The following YY2 variants were observed in gnomAD, a reference collection of about 807,000 sequenced individuals.
YY2 encodes transcription factor YY2.
For synonymous variants in YY2, 157 were observed against 131.2 expected, an observed-to-expected ratio of 1.20 and a Z score of -1.35; for missense variants, 254 against 305.3, an observed-to-expected ratio of 0.83 and a Z score of 1.25.
In YY2 at chrX:21,856,722, A is replaced by G; in HGVS notation, c.238A>G (p.Met80Val). The change falls in exon 1 of 1, where the codon ATG becomes GTG. Residue 80 changes from methionine (M) to valine (V), a missense_variant. By Grantham distance (21) the Met-to-Val change is conservative. Transcript: ENST00000429584. ...GYGDHDQEML[M>V]LQTQEEVVGY... ...TGGCGACCACGACCAGGAAATGCTT[A>G]TGTTGCAGACACAAGAGGAAGTGGT... The G allele has an allele frequency of 8.3e-7, 1 of 1,211,933 alleles. No homozygotes were observed. The highest frequency in any genetic ancestry group is 1.1e-6 in the Non-Finnish European group (1 of 895,589).
rs1432491219 is a variant in YY2 at position 21,857,221 on chromosome X, C to A, written c.737C>A (p.Ser246Tyr). 4 of 1,211,809 alleles carry A rather than the reference C, an allele frequency of 3.3e-6. No homozygotes were observed. The highest frequency in any genetic ancestry group is 4.5e-6 in the Non-Finnish European group (4 of 895,576). Reference protein sequence around the residue: ...AEFTKVKPKRSKGEPPKTVPC... With the variant: ...AEFTKVKPKRYKGEPPKTVPC... ...TTTACTAAAGTGAAGCCCAAAAGGTCCAAAGGAGAACCTCCCAAAACAGTC... is the reference window on the plus strand; with the variant it reads ...TTTACTAAAGTGAAGCCCAAAAGGTACAAAGGAGAACCTCCCAAAACAGTC... The change falls in exon 1 of 1, where the codon TCC becomes TAC. Residue 246 changes from serine (S) to tyrosine (Y), a missense_variant. Coordinates refer to ENST00000429584, the MANE Select transcript of YY2 (RefSeq NM_206923.4).
chrX:21,858,248 T>C lies in YY2; in HGVS notation c.*645T>C, dbSNP rs2092926357. ...TTGATATTAGGTGATTTAATAGTACTAGTTTAAACCTATTTTAGTCATTTT... is the reference window on the plus strand; with the variant it reads ...TTGATATTAGGTGATTTAATAGTACCAGTTTAAACCTATTTTAGTCATTTT... On this transcript the variant is annotated 3_prime_UTR_variant, in exon 1 of 1. Transcript: ENST00000429584. 1 of 124,031 alleles carries C rather than the reference T, an allele frequency of 8.1e-6. No homozygotes were observed. The highest frequency in any genetic ancestry group is 3.6e-4 in the South Asian group (1 of 2,767). The allele number at this position is 124,031 out of a possible 1,213,427, so 10.2% of individuals were successfully genotyped here.
rs894565953 is a variant in YY2, at chrX:21,856,283, G to C, written c.-202G>C. 1 of 281,387 alleles carries C rather than the reference G, an allele frequency of 3.6e-6. No individual in the cohort carries two copies. Among genetic ancestry groups the C allele is most frequent in the Admixed American group, 7.3e-5 (1 of 13,684 alleles). The allele number at this position is 281,387 out of a possible 1,213,427, so 23.2% of individuals were successfully genotyped here. A position where few individuals can be genotyped will look rare whatever the true frequency, so the allele number is the denominator to read the frequency against. ...CGGCTCGTGCTTTCCTCAGTCTCGCGCCTTTCTCTGCAGCTCGCGCCTTTC... is the reference window on the plus strand; with the variant it reads ...CGGCTCGTGCTTTCCTCAGTCTCGCCCCTTTCTCTGCAGCTCGCGCCTTTC... On this transcript the variant is annotated 5_prime_UTR_variant, in exon 1 of 1. Coordinates refer to ENST00000429584, the MANE Select transcript of YY2 (RefSeq NM_206923.4).
chrX:21,857,215 A>G lies in YY2; in HGVS notation c.731A>G (p.Lys244Arg). Residue 244 changes from lysine (K) to arginine (R), a missense_variant, in exon 1 of 1, where the codon AAA becomes AGA. By Grantham distance (26) the Lys-to-Arg change is conservative. Coordinates refer to ENST00000429584, the MANE Select transcript of YY2 (RefSeq NM_206923.4). ...QLAEFTKVKPKRSKGEPPKTV... is the reference protein window; with the variant it reads ...QLAEFTKVKPRRSKGEPPKTV... Reference sequence around the variant, plus strand: ...GCAGAATTTACTAAAGTGAAGCCCAAAAGGTCCAAAGGAGAACCTCCCAAA... The same window carrying G: ...GCAGAATTTACTAAAGTGAAGCCCAGAAGGTCCAAAGGAGAACCTCCCAAA... 5 of 1,211,892 alleles carry G rather than the reference A, an allele frequency of 4.1e-6. No individual in the cohort carries two copies. The highest frequency in any genetic ancestry group is 5.6e-6 in the Non-Finnish European group (5 of 895,599).
rs1438492938 is a variant in YY2, at chrX:21,856,824, G to C, written c.340G>C (p.Glu114Gln). 2 of 1,211,736 alleles carry C rather than the reference G, an allele frequency of 1.7e-6. No individual in the cohort carries two copies. The highest frequency in any genetic ancestry group is 2.2e-5 in the Admixed American group (1 of 46,042). Residue 114 changes from glutamate (E) to glutamine (Q), a missense_variant, in exon 1 of 1, where the codon GAG becomes CAG. Glu to Gln is a conservative substitution (Grantham distance 29). Coordinates refer to ENST00000429584, the MANE Select transcript of YY2 (RefSeq NM_206923.4). Reference sequence around the variant, plus strand: ...GGCCCTCCCGGATAGCATTGAAGACGAGCACTTCCAGATGACCCTGGCCTC... The same window carrying C: ...GGCCCTCCCGGATAGCATTGAAGACCAGCACTTCCAGATGACCCTGGCCTC... ...QLALPDSIED[E>Q]HFQMTLASLS...
rs1380882782 is a variant in YY2 at position 21,858,286 on chromosome X, A to G, written c.*683A>G. The G allele has an allele frequency of 1.6e-5, 2 of 123,314 alleles. No homozygotes were observed. Among genetic ancestry groups the G allele is most frequent in the Non-Finnish European group, 3.8e-5 (2 of 53,191 alleles). The allele number at this position is 123,314 out of a possible 1,213,427, so 10.2% of individuals were successfully genotyped here. ...TTTTAGTCATTTTATTTTCCCCAAA[A>G]TACTACCAGATGCTGTTGTTTAGTG... On this transcript the variant is annotated 3_prime_UTR_variant, in exon 1 of 1. Coordinates refer to ENST00000429584, the MANE Select transcript of YY2 (RefSeq NM_206923.4).
At position 21,857,671 on chromosome X, in the gene YY2, C is replaced by G. The variant is rs2147438793; in HGVS notation, c.*68C>G. On this transcript the variant is annotated 3_prime_UTR_variant, in exon 1 of 1. Coordinates refer to ENST00000429584, the MANE Select transcript of YY2 (RefSeq NM_206923.4). ...ACTGCGGTAGGGAATAAATATGCCTCTCAAAGCTTTGTATGTTGTTTCTAA... is the reference window on the plus strand; with the variant it reads ...ACTGCGGTAGGGAATAAATATGCCTGTCAAAGCTTTGTATGTTGTTTCTAA... The G allele has an allele frequency of 1.9e-6, 2 of 1,048,523 alleles. No individual in the cohort carries two copies. The highest frequency in any genetic ancestry group is 3.1e-5 in the East Asian group (1 of 32,433). 86.4% of individuals were successfully genotyped at this position (1,048,523 alleles called of 1,213,427 possible). A position where few individuals can be genotyped will look rare whatever the true frequency, so the allele number is the denominator to read the frequency against.
Position 21,856,518 on chromosome X carries a change from G to A in YY2, c.34G>A (p.Asp12Asn). The A allele has an allele frequency of 8.3e-7, 1 of 1,210,810 alleles. No individual in the cohort carries two copies. Among genetic ancestry groups the A allele is most frequent in the South Asian group, 1.8e-5 (1 of 56,846 alleles). ...CAACGAAGATTTCTCCATCACACAA[G>A]ACCTGGAGATCCCGGCAGATATTGT... Reference protein sequence around the residue: ...ASNEDFSITQDLEIPADIVEL... With the variant: ...ASNEDFSITQNLEIPADIVEL... Residue 12 changes from aspartate to asparagine, a missense_variant, in exon 1 of 1, where the codon GAC becomes AAC. Asp to Asn is a conservative substitution (Grantham distance 23). Coordinates refer to ENST00000429584, the MANE Select transcript of YY2 (RefSeq NM_206923.4).
In YY2 at chrX:21,857,641, C is replaced by T. The variant is rs1288094549; in HGVS notation, c.*38C>T. On this transcript the variant is annotated 3_prime_UTR_variant, in exon 1 of 1. Coordinates refer to ENST00000429584, the MANE Select transcript of YY2 (RefSeq NM_206923.4). ...CCCTCTCAGACTTGGGAATTATCTT[C>T]CAGGACTGCGGTAGGGAATAAATAT... 1 of 1,157,167 alleles carries T rather than the reference C, an allele frequency of 8.6e-7. No individual in the cohort carries two copies. The highest frequency in any genetic ancestry group is 2.5e-5 in the Admixed American group (1 of 39,736).
In YY2 at chrX:21,856,858, C is replaced by T. The variant is rs752412245; in HGVS notation, c.374C>T (p.Ala125Val). The T allele has an allele frequency of 8.3e-7, 1 of 1,209,711 alleles. No individual in the cohort carries two copies. Among genetic ancestry groups the T allele is most frequent in the African/African-American group, 1.8e-5 (1 of 57,114 alleles). The stretch of plus-strand genomic sequence containing the variant: ...CAGATGACCCTGGCCTCTCTGTCGG[C>T]CTCGGCGGCATCAACATCAACATCA... ...HFQMTLASLSASAASTSTSTQ... is the reference protein window; with the variant it reads ...HFQMTLASLSVSAASTSTSTQ... The change falls in exon 1 of 1, where the codon GCC becomes GTC. Residue 125 changes from alanine (A) to valine (V), a missense_variant. Coordinates refer to ENST00000429584, the MANE Select transcript of YY2 (RefSeq NM_206923.4).
At position 21,857,073 on chromosome X, in the gene YY2, G is replaced by C. The variant is rs1300673268; in HGVS notation, c.589G>C (p.Gly197Arg). 8.3e-7 allele frequency: 1 copy of C among 1,211,834 alleles called. No homozygotes were observed. The highest frequency in any genetic ancestry group is 1.1e-6 in the Non-Finnish European group (1 of 895,552). ...GTCCCCTAACGATAACAATGACCAA[G>C]GGGCAGTGGGTGAAGGCCAGGCTGA... is the stretch of plus-strand genomic sequence containing the variant. ...MWSPNDNNDQ[G>R]AVGEGQAENP... Residue 197 changes from glycine to arginine, a missense_variant, in exon 1 of 1, where the codon GGG becomes CGG. Coordinates refer to ENST00000429584, the MANE Select transcript of YY2 (RefSeq NM_206923.4).
chrX:21,857,720 T>C lies in YY2; in HGVS notation c.*117T>C. On this transcript the variant is annotated 3_prime_UTR_variant, in exon 1 of 1. Coordinates refer to ENST00000429584, the MANE Select transcript of YY2 (RefSeq NM_206923.4). ...AAGAGTTTTAAAAAAAAATGAATCC[T>C]GCACATTTAAGGTTCGTGTTTTGTT... 1 of 854,262 alleles carries C rather than the reference T, an allele frequency of 1.2e-6. No individual in the cohort carries two copies. Among genetic ancestry groups the C allele is most frequent in the Non-Finnish European group, 1.6e-6 (1 of 613,093 alleles). 70.4% of individuals were successfully genotyped at this position (854,262 alleles called of 1,213,427 possible). A position where few individuals can be genotyped will look rare whatever the true frequency, so the allele number is the denominator to read the frequency against.
Position 21,856,288 on chromosome X carries a change from TC to T in YY2, c.-196del. 1 of 278,834 alleles carries T rather than the reference TC, an allele frequency of 3.6e-6. No individual in the cohort carries two copies. The highest frequency in any genetic ancestry group is 5.8e-6 in the Non-Finnish European group (1 of 171,844). 23.0% of individuals were successfully genotyped at this position (278,834 alleles called of 1,213,427 possible). On this transcript the variant is annotated 5_prime_UTR_variant, in exon 1 of 1. It introduces an in-frame stop codon into an upstream open reading frame of the 5' UTR. Coordinates refer to ENST00000429584, the MANE Select transcript of YY2 (RefSeq NM_206923.4). The stretch of plus-strand genomic sequence containing the variant: ...CGTGCTTTCCTCAGTCTCGCGCCTT[TC>T]TCTGCAGCTCGCGCCTTTCTCTGCA...
At position 21,857,095 on chromosome X, in the gene YY2, C is replaced by T. The variant is rs753555960; in HGVS notation, c.611C>T (p.Ala204Val). ...CAAGGGGCAGTGGGTGAAGGCCAGG[C>T]TGAAAACCCACCTGATTATTCCGAG... ...NDQGAVGEGQ[A>V]ENPPDYSEYL... The change falls in exon 1 of 1, where the codon GCT becomes GTT. Residue 204 changes from alanine (A) to valine (V), a missense_variant. Coordinates refer to ENST00000429584, the MANE Select transcript of YY2 (RefSeq NM_206923.4). The T allele has an allele frequency of 5.0e-6, 6 of 1,209,846 alleles. No homozygotes were observed. Among genetic ancestry groups the T allele is most frequent in the Non-Finnish European group, 6.7e-6 (6 of 895,226 alleles).
rs777965823 is a variant in YY2, at chrX:21,857,092, A to G, written c.608A>G (p.Gln203Arg). The G allele has an allele frequency of 8.3e-7, 1 of 1,211,956 alleles. No homozygotes were observed. The highest frequency in any genetic ancestry group is 1.1e-6 in the Non-Finnish European group (1 of 895,578). ...NNDQGAVGEGQAENPPDYSEY... is the reference protein window; with the variant it reads ...NNDQGAVGEGRAENPPDYSEY... ...GACCAAGGGGCAGTGGGTGAAGGCC[A>G]GGCTGAAAACCCACCTGATTATTCC... The change falls in exon 1 of 1, where the codon CAG (glutamine) becomes CGG (arginine). Residue 203 changes from glutamine to arginine, a missense_variant. By Grantham distance (43) the Gln-to-Arg change is conservative. Transcript: ENST00000429584.
Position 21,856,236 on chromosome X carries a change from T to A in YY2, c.-249T>A, listed in dbSNP as rs2092921157. ...TTGCCTAGGCGCATGCGTCTGGCTATCCCAGAAGCACCTGCGCCTTCCGGC... is the reference window on the plus strand; with the variant it reads ...TTGCCTAGGCGCATGCGTCTGGCTAACCCAGAAGCACCTGCGCCTTCCGGC... On this transcript the variant is annotated 5_prime_UTR_variant, in exon 1 of 1. Transcript: ENST00000429584. 2.6e-6 allele frequency: 1 copy of A among 388,122 alleles called. No homozygotes were observed. The highest frequency in any genetic ancestry group is 5.4e-5 in the South Asian group (1 of 18,357). 32.0% of individuals were successfully genotyped at this position (388,122 alleles called of 1,213,427 possible).
Position 21,856,490 on chromosome X carries a change from C to T in YY2, c.6C>T (p.Ala2=), listed in dbSNP as rs753344832. 5.0e-6 allele frequency: 6 copies of T among 1,206,083 alleles called. No homozygotes were observed. The highest frequency in any genetic ancestry group is 1.8e-5 in the South Asian group (1 of 55,959). M[A]SNEDFSITQD... is the part of the protein sequence containing the mutation. ...AACCTAACTAACTCTCAGCCATGGC[C>T]TCCAACGAAGATTTCTCCATCACAC... The change falls in exon 1 of 1, where the codon GCC becomes GCT. Residue 2 remains alanine, a synonymous_variant. Coordinates refer to ENST00000429584, the MANE Select transcript of YY2 (RefSeq NM_206923.4).
In YY2 at chrX:21,856,251, C is replaced by T. The variant is rs1196263849; in HGVS notation, c.-234C>T. On this transcript the variant is annotated 5_prime_UTR_variant, in exon 1 of 1. Coordinates refer to ENST00000429584, the MANE Select transcript of YY2 (RefSeq NM_206923.4). The stretch of plus-strand genomic sequence containing the variant: ...CGTCTGGCTATCCCAGAAGCACCTG[C>T]GCCTTCCGGCTCGTGCTTTCCTCAG... 9.8e-6 allele frequency: 4 copies of T among 407,533 alleles called. No homozygotes were observed. Among genetic ancestry groups the T allele is most frequent in the Non-Finnish European group, 1.7e-5 (4 of 238,450 alleles). The allele number at this position is 407,533 out of a possible 1,213,427, so 33.6% of individuals were successfully genotyped here.
In YY2 at chrX:21,858,033, A is replaced by C. The variant is rs1185167119; in HGVS notation, c.*430A>C. On this transcript the variant is annotated 3_prime_UTR_variant, in exon 1 of 1. Transcript: ENST00000429584. The stretch of plus-strand genomic sequence containing the variant: ...TATACTTTTAGGAATATGCTTAATA[A>C]GTCTATGTATGGTTTTTCTGGAGGT... 1 of 126,853 alleles carries C rather than the reference A, an allele frequency of 7.9e-6. No homozygotes were observed. Among genetic ancestry groups the C allele is most frequent in the Admixed American group, 9.2e-5 (1 of 10,857 alleles). The allele number at this position is 126,853 out of a possible 1,213,427, so 10.5% of individuals were successfully genotyped here.
Sources: allele counts gnomAD v4.1 joint callset, GRCh38; gene constraint gnomAD v4.1.1; transcripts MANE v1.5; gene names NCBI Gene and HGNC (gene_info 2026-07-23, HGNC 2026-07-21).